The following UNC80 variants were observed in gnomAD, a reference collection of about 807,000 sequenced individuals.
UNC80 encodes protein unc-80 homolog.
In UNC80, 164 loss-of-function variants were observed where a neutral mutation model predicts 384.6. The ratio of observed to expected loss-of-function variants is 0.43; its 90% CI spans 0.38 to 0.49. The LOEUF is 0.49. Among genes scored for constraint, UNC80 ranks in the 20% least tolerant of loss-of-function variants. UNC80 has a pLI of 0.00. For synonymous variants in UNC80, 1,486 were observed against 1,527.8 expected (o/e 0.97, Z 0.64); for missense variants, 3,330 against 4,143.0 (o/e 0.80, Z 5.39).
intron 22 of UNC80, among the ~76,000 whole-genome samples, chr2:209,863,169 C>T (rs1472706664): frequency 6.6e-6 from 1 of 152,190 alleles, no homozygotes; most frequent in Admixed American, 6.5e-5. Flanking sequence ...CCCCCAATCT[C>T]TTCCGGCTTG....
Position 209,976,852 on chromosome 2 carries a change from C to A in UNC80, c.8773-61C>A. On this transcript the variant is annotated intron_variant, in intron 57 of 64. Coordinates refer to ENST00000673920, the MANE Select transcript of UNC80 (RefSeq NM_001371986.1). This position sits in a 1 kb window ranked among gnomAD's most constrained non-coding sequence, Gnocchi z 4.3. ...CCTCACAACAATGAAATAGGTACAG[C>A]AATTAGCCCATTTTATGGATGGAAA... 2 of 1,449,622 alleles carry A rather than the reference C, an allele frequency of 1.4e-6. No individual in the cohort carries two copies. The highest frequency in any genetic ancestry group is 1.9e-6 in the Non-Finnish European group (2 of 1,078,790). The allele number at this position is 1,449,622 out of a possible 1,614,324, so 89.8% of individuals were successfully genotyped here.
At chr2:209,930,447 A>G (rs891071476) in intron 37 of UNC80, among the ~76,000 whole-genome samples, 1 of 152,186 alleles carries the variant, frequency 6.6e-6, no homozygotes, top group East Asian at 1.9e-4. Flanking sequence ...TGCTATAGTC[A>G]TATTCACTGG....
rs1419707533 is a variant in UNC80 at position 209,976,114 on chromosome 2, T to A, written c.8588-5T>A. 2 of 1,547,020 alleles carry A rather than the reference T, an allele frequency of 1.3e-6. No homozygotes were observed. Among genetic ancestry groups the A allele is most frequent in the South Asian group, 2.4e-5 (2 of 83,836 alleles). Reference sequence around the variant, plus strand: ...GGCTCATTTTTCTCTTTTCCCGGTGTGAAGCGCTGAAGGTGATTCTCGTCT... The same window carrying A: ...GGCTCATTTTTCTCTTTTCCCGGTGAGAAGCGCTGAAGGTGATTCTCGTCT... On this transcript the variant is annotated splice_region_variant and splice_polypyrimidine_tract_variant and intron_variant, in intron 56 of 64. Transcript: ENST00000673920. The surrounding 1 kb of genome is among the most constrained non-coding windows in gnomAD (Gnocchi z 4.3).
chr2:209,777,545 G>A lies in UNC80; in HGVS notation c.586G>A (p.Val196Ile), dbSNP rs1188603990. 1 of 1,610,158 alleles carries A rather than the reference G, an allele frequency of 6.2e-7. No homozygotes were observed. Among genetic ancestry groups the A allele is most frequent in the Non-Finnish European group, 8.5e-7 (1 of 1,177,824 alleles). ...CTTCGTGTTTCTGTTTGCTCCCCTG[G>A]TACACAGGATCAAGGTAAGCAGAAA... ...ELFVFLFAPL[V>I]HRIKESDLTF... is the part of the protein sequence containing the mutation. Residue 196 changes from valine to isoleucine, a missense_variant, in exon 4 of 65, where the codon GTA (valine) becomes ATA (isoleucine). By Grantham distance (29) the Val-to-Ile change is conservative. Around this residue, in one of 8 missense-constraint regions of UNC80, gnomAD observed 937 missense variants for 1,026.8 expected, o/e 0.91. Coordinates refer to ENST00000673920, the MANE Select transcript of UNC80 (RefSeq NM_001371986.1).
intron 29 of UNC80, among the ~76,000 whole-genome samples, chr2:209,907,247 T>C (rs1247306221): frequency 1.4e-5 from 2 of 140,122 alleles, no homozygotes; most frequent in African/African-American, 5.4e-5. Context: ...AAAGAACCTG[T>C]GGACCATGCT....
intron 56 of UNC80, among the ~76,000 whole-genome samples, chr2:209,974,414 G>A (rs544225961): frequency 2.0e-5 from 3 of 152,324 alleles, no homozygotes; most frequent in Admixed American, 6.5e-5. Flanking sequence ...GGATTGCACA[G>A]AGGATGATGG....
chr2:209,937,412 A>G lies in UNC80; in HGVS notation c.6364-117A>G, dbSNP rs1012924581. 3 of 739,056 alleles carry G rather than the reference A, an allele frequency of 4.1e-6. No homozygotes were observed. In the African/African-American group the frequency reaches 5.3e-5, roughly 13 times the overall value. The allele number at this position is 739,056 out of a possible 1,614,324, so 45.8% of individuals were successfully genotyped here. On this transcript the variant is annotated intron_variant, in intron 41 of 64. Coordinates refer to ENST00000673920, the MANE Select transcript of UNC80 (RefSeq NM_001371986.1). ...GAGTGTTGTTTAGTACATTGCCTTT[A>G]GCTGCTTTTCTCCTGGCATAGCATC...
intron 51 of UNC80, among the ~76,000 whole-genome samples, chr2:209,963,589 A>C (rs2092660683): frequency 6.6e-6 from 1 of 152,252 alleles, no homozygotes; most frequent in East Asian, 1.9e-4. Flanking sequence ...GAAAAGAAAT[A>C]AGTGCATATA....
chr2:209,908,836 C>T (rs946571993), intron 29 of UNC80, among the ~76,000 whole-genome samples: 4 of 152,100 alleles, frequency 2.6e-5, no homozygotes, highest in Non-Finnish European at 5.9e-5. Flanking sequence ...GTGTTAAAGC[C>T]GTATGAGGCA....
chr2:209,792,743 C>G (rs2077900987), intron 6 of UNC80, among the ~76,000 whole-genome samples: 2 of 152,190 alleles, frequency 1.3e-5, no homozygotes, highest in Admixed American at 1.3e-4. Context: ...TTCCTTTTCA[C>G]TATTTTTAAT....
At position 209,786,286 on chromosome 2, in the gene UNC80, G is replaced by A; in HGVS notation, c.724+97G>A. 2.8e-6 allele frequency: 4 copies of A among 1,427,692 alleles called. No homozygotes were observed. The South Asian group carries it at 4.5e-5, about 16-fold the overall frequency. 88.4% of individuals were successfully genotyped at this position (1,427,692 alleles called of 1,614,324 possible). On this transcript the variant is annotated intron_variant, in intron 5 of 64. Transcript: ENST00000673920. ...TAATTTGCCCCTAAGAAGTCAAAAAGAAGCAAATATCTACATGTAGTTATT... is the reference window on the plus strand; with the variant it reads ...TAATTTGCCCCTAAGAAGTCAAAAAAAAGCAAATATCTACATGTAGTTATT...
chr2:209,890,957 TC>T (rs1384289506), intron 26 of UNC80, among the ~76,000 whole-genome samples: 4 of 152,318 alleles, frequency 2.6e-5, no homozygotes, highest in Middle Eastern at 3.4e-3. Context: ...TTTTAAAAAT[TC>T]CATTACCTTT....
intron 31 of UNC80, among the ~76,000 whole-genome samples, chr2:209,915,619 C>T (rs1258592527): frequency 6.6e-6 from 1 of 151,970 alleles, no homozygotes; most frequent in South Asian, 2.1e-4. Context: ...TGTGAAAAAC[C>T]AGTGGTGGTT....
At chr2:209,779,885 C>A (rs528265164) in intron 4 of UNC80, among the ~76,000 whole-genome samples, 1 of 152,200 alleles carries the variant, frequency 6.6e-6, no homozygotes, top group Non-Finnish European at 1.5e-5. Flanking sequence ...TAAGACATAG[C>A]TGTGAGTCTA....
Position 209,937,526 on chromosome 2 carries a change from C to A in UNC80, c.6364-3C>A. 1 of 1,546,158 alleles carries A rather than the reference C, an allele frequency of 6.5e-7. No homozygotes were observed. The highest frequency in any genetic ancestry group is 2.0e-5 in the Admixed American group (1 of 50,984). On this transcript the variant is annotated splice_polypyrimidine_tract_variant and splice_region_variant and intron_variant, in intron 41 of 64. Transcript: ENST00000673920. ...TTTTTGTCTCTTTATGTAATCCACA[C>A]AGACCTATGTTCGAGATATTTATCC...
intron 5 of UNC80, among the ~76,000 whole-genome samples, chr2:209,787,709 A>G (rs1393244760): frequency 1.3e-5 from 2 of 152,224 alleles, no homozygotes; most frequent in African/African-American, 2.4e-5. Flanking sequence ...TTATAAAAGT[A>G]TAGCCCATAC....
In UNC80 at chr2:209,890,794, A is replaced by G. The variant is rs186540837; in HGVS notation, c.4276+2534A>G. 9.2e-5 allele frequency among the ~76,000 whole-genome samples: 14 copies of G among 152,338 alleles called. No individual in the cohort carries two copies. In the East Asian group the frequency reaches 2.7e-3, roughly 29 times the overall value. ...CTGGTGAATTGTAGGTACACAATAAATAGCTATTGTTGTTGGGTTTTTAAA... is the reference window on the plus strand; with the variant it reads ...CTGGTGAATTGTAGGTACACAATAAGTAGCTATTGTTGTTGGGTTTTTAAA... On this transcript the variant is annotated intron_variant, in intron 26 of 64. Coordinates refer to ENST00000673920, the MANE Select transcript of UNC80 (RefSeq NM_001371986.1).
intron 44 of UNC80, among the ~76,000 whole-genome samples, chr2:209,943,034 A>G (rs961994645): frequency 1.3e-5 from 2 of 152,216 alleles, no homozygotes; most frequent in African/African-American, 4.8e-5. Context: ...TAATTCACTT[A>G]ACCAAGATAT....
intron 21 of UNC80, among the ~76,000 whole-genome samples, chr2:209,844,128 G>A (rs1334448120): frequency 2.0e-5 from 3 of 151,854 alleles, no homozygotes; most frequent in Admixed American, 1.3e-4. Context: ...ACGATATTTT[G>A]GAGACAATAT....
Sources: allele counts gnomAD v4.1 joint callset (sites outside exome capture counted in the v4.1 genomes callset), GRCh38; gene constraint gnomAD v4.1.1; regional missense constraint gnomAD v4.1.1; non-coding constraint Gnocchi (gnomAD v3.1); transcripts MANE v1.5; gene names NCBI Gene and HGNC (gene_info 2026-07-23, HGNC 2026-07-21).